Variants in PITX1 observed in about 807,000 individuals in gnomAD.
The protein encoded by PITX1 is pituitary homeobox 1.
In PITX1, 5 loss-of-function variants were observed where a neutral mutation model predicts 24.1. The ratio of observed to expected loss-of-function variants is 0.21; its 90% CI spans 0.11 to 0.44. The LOEUF (loss-of-function observed/expected upper bound fraction) is 0.44. PITX1 is among the 20% of genes least tolerant of loss of function. PITX1 has a pLI of 0.99. For missense variants in PITX1, 401 were observed against 455.4 expected (o/e 0.88, Z 1.09); for synonymous variants, 213 against 208.9 (o/e 1.02, Z -0.17).
rs779663598 is a variant in PITX1 at position 135,028,869 on chromosome 5, C to G, written c.855G>C (p.Leu285=). 61 of 1,613,696 alleles carry G rather than the reference C, an allele frequency of 3.8e-5. No homozygotes were observed. The highest frequency in any genetic ancestry group is 8.5e-7 in the Non-Finnish European group (1 of 1,179,958). Residue 285 remains leucine, a synonymous_variant, in exon 3 of 3, where the codon CTG becomes CTC. Coordinates refer to ENST00000265340, the MANE Select transcript of PITX1 (RefSeq NM_002653.5). ...RDTCNSSLAS[L]RLKSKQHSSF... Reference sequence around the variant, plus strand: ...ACGAGTGCTGTTTGGACTTGAGCCGCAGGCTGGCTAGGCTCGAGTTGCACG... The same window carrying G: ...ACGAGTGCTGTTTGGACTTGAGCCGGAGGCTGGCTAGGCTCGAGTTGCACG...
In PITX1 at chr5:135,033,068, G is replaced by A. The variant is rs767099400; in HGVS notation, c.169+645C>T. 4.5e-6 allele frequency: 2 copies of A among 443,950 alleles called. No homozygotes were observed. The highest frequency in any genetic ancestry group is 1.6e-5 in the South Asian group (1 of 63,240). 27.5% of individuals were successfully genotyped at this position (443,950 alleles called of 1,614,324 possible). ...GCGCGGAGGGAGACGCGCAGGAGCC[G>A]GGGCGGGGGCCAGAGCCGGGCTGCT... On this transcript the variant is annotated intron_variant, in intron 1 of 2. Transcript: ENST00000265340. The surrounding 1 kb of genome is among the most constrained non-coding windows in gnomAD (Gnocchi z 5.9).
chr5:135,027,867 G>A lies in PITX1; in HGVS notation c.*912C>T, dbSNP rs1265235689. On this transcript the variant is annotated 3_prime_UTR_variant, in exon 3 of 3. Transcript: ENST00000265340. ...GCGGGCCGGAGAGCGGGTGTGCAAA[G>A]TGGGCGCAGGGCCCTGGGGCCGCGC... is the stretch of plus-strand genomic sequence containing the variant. 6.6e-6 allele frequency: 1 copy of A among 152,658 alleles called. No homozygotes were observed. The highest frequency in any genetic ancestry group is 2.4e-5 in the African/African-American group (1 of 41,384). 9.5% of individuals were successfully genotyped at this position (152,658 alleles called of 1,614,324 possible).
At chr5:135,029,398 G>C in intron 2 of PITX1, 77 bp from the exon 3 acceptor site, 1 of 1,267,226 alleles carries the variant, frequency 7.9e-7, no homozygotes. Context: ...ACCGCCTGGA[G>C]CCTTCCGTCG....
rs1752446503 is a variant in PITX1 at position 135,031,440 on chromosome 5, CGCCGCCGCAGCCCGT to C, written c.223_237del (p.Thr75_Gly79del). The C allele has an allele frequency of 5.6e-6, 9 of 1,613,902 alleles. No individual in the cohort carries two copies. The highest frequency in any genetic ancestry group is 6.8e-6 in the Non-Finnish European group (8 of 1,179,932). ...TTCTTCTTCTTGGCTGGGTCGTCTG[CGCCGCCGCAGCCCGT>C]GCCTCCCGCACCACTGTCCTCGGGC... On this transcript the variant is annotated inframe_deletion, in exon 2 of 3. Coordinates refer to ENST00000265340, the MANE Select transcript of PITX1 (RefSeq NM_002653.5).
At chr5:135,030,580 G>T (rs1010597670) in intron 2 of PITX1, among the ~76,000 whole-genome samples, 13 of 152,312 alleles carry the variant, frequency 8.5e-5, no homozygotes, top group Admixed American at 4.6e-4. Flanking sequence ...GAAACCAAAC[G>T]GGTGAGAAGA....
Position 135,029,031 on chromosome 5 carries a change from T to C in PITX1, c.693A>G (p.Pro231=). The change falls in exon 3 of 3, where the codon CCA becomes CCG. Residue 231 remains proline (P), a synonymous_variant. Coordinates refer to ENST00000265340, the MANE Select transcript of PITX1 (RefSeq NM_002653.5). ...SSMTMPSSMG[P]GAVPGMPNSG... ...AGTTGGGCATGCCAGGCACGGCGCCTGGGCCCATGCTGGACGGCATGGTCA... is the reference window on the plus strand; with the variant it reads ...AGTTGGGCATGCCAGGCACGGCGCCCGGGCCCATGCTGGACGGCATGGTCA... 6.2e-7 allele frequency: 1 copy of C among 1,614,170 alleles called. No individual in the cohort carries two copies. Among genetic ancestry groups the C allele is most frequent in the Non-Finnish European group, 8.5e-7 (1 of 1,180,032 alleles).
At chr5:135,032,874 G>A in intron 1 of PITX1, 1 of 386,348 alleles carries the variant, frequency 2.6e-6, no homozygotes, top group Non-Finnish European at 5.2e-6. Flanking sequence ...ATTCAGCTGT[G>A]TATTAAGAAA....
Position 135,028,947 on chromosome 5 carries a change from C to G in PITX1, c.777G>C (p.Pro259=). The change falls in exon 3 of 3, where the codon CCG becomes CCC. Residue 259 remains proline, a synonymous_variant. Transcript: ENST00000265340. ...TGSSLNSAMS[P]GACPYGTPAS... The stretch of plus-strand genomic sequence containing the variant: ...CGGGAGTGCCGTACGGGCAAGCGCC[C>G]GGCGACATGGCCGAGTTGAGCGAGG... The G allele has an allele frequency of 6.2e-7, 1 of 1,614,024 alleles. No individual in the cohort carries two copies. The highest frequency in any genetic ancestry group is 1.1e-5 in the South Asian group (1 of 91,078).
At chr5:135,034,284 T>C (rs1322888816), upstream of PITX1, 2 of 20,444 alleles carry the variant, frequency 9.8e-5, no homozygotes, top group Admixed American at 1.1e-3. Flanking sequence ...GGGTGCTGGG[T>C]GGGGTGGGCC....
rs1752447915 is a variant in PITX1, at chr5:135,031,495, G to A, written c.183C>T (p.Gly61=). The A allele has an allele frequency of 9.9e-6, 16 of 1,611,200 alleles. No individual in the cohort carries two copies. Among genetic ancestry groups the A allele is most frequent in the African/African-American group, 1.3e-5 (1 of 74,914 alleles). The change falls in exon 2 of 3, where the codon GGC becomes GGT. Residue 61 remains glycine, a synonymous_variant. Transcript: ENST00000265340. ...TGTCCTCGGGCCCCTTGGGTTCCCC[G>A]CCGCGCTCCTTCTCTGCAGTAGGCA... ...SDTELPEKER[G]GEPKGPEDSG...
intron 2 of PITX1, among the ~76,000 whole-genome samples, chr5:135,029,942 C>G (rs1752420117): frequency 6.6e-6 from 1 of 152,126 alleles, no homozygotes; most frequent in Non-Finnish European, 1.5e-5. Context: ...CTTTTGAATC[C>G]TTTCCAAATA....
intron 1 of PITX1, chr5:135,032,779 T>A: frequency 3.4e-6 from 1 of 291,988 alleles, no homozygotes. Flanking sequence ...CAGCGTTGAT[T>A]ATGTTTTAAC....
In PITX1 at chr5:135,033,546, T is replaced by A. The variant is rs1380568286; in HGVS notation, c.169+167A>T. ...GGAAGTGCCTTCGCGTGTGCGTAAG[T>A]TTCCGCGTTCACCGTCAGGTCGAGA... On this transcript the variant is annotated intron_variant, in intron 1 of 2. Transcript: ENST00000265340. The surrounding 1 kb of genome is among the most constrained non-coding windows in gnomAD (Gnocchi z 5.9). 2 of 713,570 alleles carry A rather than the reference T, an allele frequency of 2.8e-6. No homozygotes were observed. Among genetic ancestry groups the A allele is most frequent in the African/African-American group, 3.7e-5 (2 of 53,646 alleles). The allele number at this position is 713,570 out of a possible 1,614,324, so 44.2% of individuals were successfully genotyped here. A position where few individuals can be genotyped will look rare whatever the true frequency, so the allele number is the denominator to read the frequency against.
In PITX1 at chr5:135,028,769, G is replaced by A. The variant is rs759017264; in HGVS notation, c.*10C>T. The A allele has an allele frequency of 1.3e-6, 2 of 1,545,700 alleles. No individual in the cohort carries two copies. Among genetic ancestry groups the A allele is most frequent in the Non-Finnish European group, 1.8e-6 (2 of 1,142,670 alleles). ...CTCCGGCCGCCGGCCCGCGTGGTGC[G>A]GCGGGGCGGTCAGCTGTTGTACTGG... On this transcript the variant is annotated 3_prime_UTR_variant, in exon 3 of 3. Coordinates refer to ENST00000265340, the MANE Select transcript of PITX1 (RefSeq NM_002653.5).
intron 2 of PITX1, among the ~76,000 whole-genome samples, chr5:135,030,682 C>A (rs1752431883): frequency 6.6e-6 from 1 of 152,206 alleles, no homozygotes; most frequent in African/African-American, 2.4e-5. Flanking sequence ...CCCCACCTCA[C>A]CTGACGGGAG....
rs1178172044 is a variant in PITX1, at chr5:135,033,067, C to CG, written c.169+645dup. ...AGCGCGGAGGGAGACGCGCAGGAGC[C>CG]GGGGCGGGGGCCAGAGCCGGGCTGC... On this transcript the variant is annotated intron_variant, in intron 1 of 2. Coordinates refer to ENST00000265340, the MANE Select transcript of PITX1 (RefSeq NM_002653.5). The surrounding 1 kb of genome is among the most constrained non-coding windows in gnomAD (Gnocchi z 5.9). 1 of 444,148 alleles carries CG rather than the reference C, an allele frequency of 2.3e-6. No individual in the cohort carries two copies. Among genetic ancestry groups the CG allele is most frequent in the African/African-American group, 2.0e-5 (1 of 48,952 alleles). 27.5% of individuals were successfully genotyped at this position (444,148 alleles called of 1,614,324 possible).
rs760654479 is a variant in PITX1, at chr5:135,029,350, G to A, written c.403-29C>T. On this transcript the variant is annotated intron_variant, in intron 2 of 2. Transcript: ENST00000265340. ...GGGGAGGGGACGGGAGAAGGGTCAG[G>A]GCCGCTGCGGGCCGGGAGGGACCCC... 3.9e-6 allele frequency: 6 copies of A among 1,541,654 alleles called. No individual in the cohort carries two copies. In the African/African-American group the frequency reaches 5.5e-5, roughly 14 times the overall value.
Position 135,029,984 on chromosome 5 carries a change from A to T in PITX1, c.403-663T>A, listed in dbSNP as rs184295109. Among the ~76,000 whole-genome samples, 11 of 151,932 alleles carry T rather than the reference A, an allele frequency of 7.2e-5. No homozygotes were observed. The East Asian group carries it at 2.1e-3, about 30-fold the overall frequency. ...CTGCACTGTTCCCCTTAAACAGTTGATTCTTTTTCTCAAATACCTGATCTT... is the reference window on the plus strand; with the variant it reads ...CTGCACTGTTCCCCTTAAACAGTTGTTTCTTTTTCTCAAATACCTGATCTT... On this transcript the variant is annotated intron_variant, in intron 2 of 2. Transcript: ENST00000265340.
chr5:135,031,739 C>A, intron 1 of PITX1: 1 of 592,378 alleles, frequency 1.7e-6, no homozygotes, highest in Non-Finnish European at 3.0e-6. Context: ...GCTGGAGCCG[C>A]GGGCCTGCGT....
Sources: allele counts gnomAD v4.1 joint callset (sites outside exome capture counted in the v4.1 genomes callset), GRCh38; gene constraint gnomAD v4.1.1; non-coding constraint Gnocchi (gnomAD v3.1); transcripts MANE v1.5; gene names NCBI Gene and HGNC (gene_info 2026-07-23, HGNC 2026-07-21).